Variants in KLF17 observed in about 807,000 individuals in gnomAD.
The protein encoded by KLF17 is KLF transcription factor 17.
Under a neutral mutation model 34.2 loss-of-function variants are expected in KLF17, and 31 were observed. That is an observed-to-expected ratio of 0.91 (90% CI 0.68 to 1.22). The LOEUF is 1.22. Among genes scored for constraint, KLF17 ranks in the 50% most tolerant of loss-of-function variants. The probability of loss-of-function intolerance (pLI) is 0.00; values close to 1 mark genes in which losing one functional copy is unlikely to be tolerated. For synonymous variants in KLF17, 179 were observed against 186.7 expected (o/e 0.96, Z 0.34); for missense variants, 478 against 505.2 (o/e 0.95, Z 0.52).
the KLF17 span, among the ~76,000 whole-genome samples, chr1:44,055,545 C>T: frequency 6.6e-6 from 1 of 152,172 alleles, no homozygotes; most frequent in Non-Finnish European, 1.5e-5. Context: ...AAGAAGGCAA[C>T]AGGCTGGGAA....
At chr1:44,102,888 T>TAA in the KLF17 span, among the ~76,000 whole-genome samples, 1 of 151,972 alleles carries the variant, frequency 6.6e-6, no homozygotes, top group Non-Finnish European at 1.5e-5. Context: ...GTCATATATA[T>TAA]AATATAATAT....
At chr1:44,052,727 C>G in the KLF17 span, among the ~76,000 whole-genome samples, 8 of 152,250 alleles carry the variant, frequency 5.3e-5, no homozygotes, top group African/African-American at 1.7e-4. Context: ...CCATAGAGAG[C>G]CTTACTAGAC....
chr1:44,118,508 C>A (rs2087904524), upstream of KLF17, among the ~76,000 whole-genome samples: 1 of 152,200 alleles, frequency 6.6e-6, no homozygotes, highest in African/African-American at 2.4e-5. Flanking sequence ...GCCTCTCTCT[C>A]CAGCCTCGCC....
At chr1:44,071,835 C>A in the KLF17 span, among the ~76,000 whole-genome samples, 1 of 151,974 alleles carries the variant, frequency 6.6e-6, no homozygotes, top group African/African-American at 2.4e-5. Flanking sequence ...TTCCTGAGAC[C>A]ACCTCAGCAT....
At chr1:44,126,444 A>G (rs369667390) in intron 1 of KLF17, among the ~76,000 whole-genome samples, 1 of 152,350 alleles carries the variant, frequency 6.6e-6, no homozygotes, top group Non-Finnish European at 1.5e-5. Context: ...ACCAAAATTA[A>G]CTGCAATTTA....
In KLF17 at chr1:44,130,204, A is replaced by G. The variant is rs762822030; in HGVS notation, c.925+8A>G. The G allele has an allele frequency of 1.2e-6, 2 of 1,600,426 alleles. No homozygotes were observed. Among genetic ancestry groups the G allele is most frequent in the African/African-American group, 2.7e-5 (2 of 74,414 alleles). On this transcript the variant is annotated splice_region_variant and intron_variant, in intron 2 of 3. Coordinates refer to ENST00000372299, the MANE Select transcript of KLF17 (RefSeq NM_173484.4). ...ACCAGCGCAAGCACACAGGTGAAGG[A>G]GGTGTCAGGTGGGGTGGGGATGGAG...
the KLF17 span, among the ~76,000 whole-genome samples, chr1:44,085,807 C>CA: frequency 0.43 from 27,473 of 63,904 alleles, 6,120 homozygotes; most frequent in Admixed American, 0.49. Flanking sequence ...TCTGTCTCAA[C>CA]AAAAAAAAAA....
the KLF17 span, among the ~76,000 whole-genome samples, chr1:44,061,626 A>T: frequency 3.9e-5 from 6 of 152,182 alleles, no homozygotes; most frequent in Non-Finnish European, 7.3e-5. Flanking sequence ...TGTAATTAAA[A>T]ATGGGTATAG....
chr1:44,054,779 C>CTTT, the KLF17 span, among the ~76,000 whole-genome samples: 6 of 97,214 alleles, frequency 6.2e-5, no homozygotes, highest in Non-Finnish European at 6.0e-5. Flanking sequence ...CCGTGCCCAG[C>CTTT]TTTTTTTTTT....
chr1:44,095,763 TTTTG>T, the KLF17 span, among the ~76,000 whole-genome samples: 1 of 152,076 alleles, frequency 6.6e-6, no homozygotes, highest in Non-Finnish European at 1.5e-5. Flanking sequence ...TCCTATCTAT[TTTTG>T]TTTGTTTGTT....
upstream of KLF17, among the ~76,000 whole-genome samples, chr1:44,118,338 T>G (rs2087902839): frequency 6.6e-6 from 1 of 152,188 alleles, no homozygotes; most frequent in African/African-American, 2.4e-5. Context: ...AAACAGGTTG[T>G]GCCATGAAGC....
At chr1:44,059,995 T>A in the KLF17 span, among the ~76,000 whole-genome samples, 21 of 152,068 alleles carry the variant, frequency 1.4e-4, no homozygotes, top group Non-Finnish European at 2.8e-4. Context: ...GGAAAATATC[T>A]CCTCTAGAGA....
At chr1:44,131,190 A>G (rs969176529) in intron 3 of KLF17, among the ~76,000 whole-genome samples, 7 of 152,108 alleles carry the variant, frequency 4.6e-5, no homozygotes, top group African/African-American at 1.4e-4. Flanking sequence ...ATTATGGGTC[A>G]GTGTTGAAGC....
the KLF17 span, among the ~76,000 whole-genome samples, chr1:44,065,410 T>G: frequency 1.4e-5 from 2 of 144,404 alleles, no homozygotes; most frequent in African/African-American, 5.1e-5. Flanking sequence ...CCTTGGTTTT[T>G]TTTTTTTTTT....
At chr1:44,065,612 G>T in the KLF17 span, among the ~76,000 whole-genome samples, 2 of 152,016 alleles carry the variant, frequency 1.3e-5, no homozygotes, top group South Asian at 4.2e-4. Context: ...GTTTCACCAT[G>T]TTGCCCAGGC....
the KLF17 span, chr1:44,103,553 C>T: frequency 1.4e-5 from 20 of 1,471,746 alleles, no homozygotes; most frequent in Non-Finnish European, 1.8e-5. Flanking sequence ...TCCTGTTCTG[C>T]ATCCCAGACT....
chr1:44,056,627 T>C, the KLF17 span, among the ~76,000 whole-genome samples: 1 of 152,196 alleles, frequency 6.6e-6, no homozygotes. Context: ...TCACCCTTTA[T>C]GTGGCTGAAA....
chr1:44,104,648 A>G, the KLF17 span: 6 of 493,306 alleles, frequency 1.2e-5, no homozygotes, highest in Non-Finnish European at 1.9e-5. Context: ...GCTGCTGCCC[A>G]GTAGGGAGAA....
At chr1:44,077,015 G>A in the KLF17 span, among the ~76,000 whole-genome samples, 4 of 149,598 alleles carry the variant, frequency 2.7e-5, no homozygotes, top group African/African-American at 7.4e-5. Context: ...GATTACAGGT[G>A]TGAGCCACTG....
Sources: allele counts gnomAD v4.1 joint callset (sites outside exome capture counted in the v4.1 genomes callset), GRCh38; gene constraint gnomAD v4.1.1; transcripts MANE v1.5; gene names NCBI Gene and HGNC (gene_info 2026-07-23, HGNC 2026-07-21).